SCUBE1: variants seen among roughly 807,000 people sequenced by gnomAD.
SCUBE1 encodes signal peptide, CUB domain and EGF like domain containing 1.
In SCUBE1, 59 loss-of-function variants were observed where a neutral mutation model predicts 124.4. The observed-to-expected ratio is 0.47, with a 90% confidence interval of 0.38 to 0.59. SCUBE1 has a LOEUF of 0.59. Ranked by LOEUF, SCUBE1 falls within the 20% of genes least tolerant of loss-of-function variation. The pLI is 0.00. For missense variants in SCUBE1, 1,150 were observed against 1,371.2 expected, an observed-to-expected ratio of 0.84 and a Z score of 2.55; for synonymous variants, 545 against 550.9, an observed-to-expected ratio of 0.99 and a Z score of 0.15.
chr22:43,321,341 C>T (rs1431513432), intron 2 of SCUBE1, among the ~76,000 whole-genome samples: 1 of 152,176 alleles, frequency 6.6e-6, no homozygotes, highest in Non-Finnish European at 1.5e-5. Context: ...CTTGCTTTCT[C>T]CATGCTGGTC....
chr22:43,200,151 T>C lies in SCUBE1; in HGVS notation c.*3846A>G, dbSNP rs924941097. On this transcript the variant is annotated 3_prime_UTR_variant, in exon 22 of 22. Coordinates refer to ENST00000360835, the MANE Select transcript of SCUBE1 (RefSeq NM_173050.5). ...GGTTCCCTGGGGTGCCATGCTCCAT[T>C]AGGAGCTGACCCAAGCTCAGAGGAG... 3 of 152,186 alleles carry C rather than the reference T, an allele frequency of 2.0e-5. No individual in the cohort carries two copies. Among genetic ancestry groups the C allele is most frequent in the Admixed American group, 6.5e-5 (1 of 15,280 alleles). 9.4% of individuals were successfully genotyped at this position (152,186 alleles called of 1,614,324 possible). A position where few individuals can be genotyped will look rare whatever the true frequency, so the allele number is the denominator to read the frequency against.
intron 20 of SCUBE1, 99 bp from the exon 21 acceptor site, chr22:43,207,712 C>A: frequency 1.1e-6 from 1 of 938,010 alleles, no homozygotes. Context: ...TGTGCTCCAG[C>A]CACGGGCTCT....
intron 7 of SCUBE1, among the ~76,000 whole-genome samples, chr22:43,235,410 GCAC>G (rs1370231177): frequency 1.3e-5 from 2 of 152,148 alleles, no homozygotes; most frequent in Admixed American, 1.3e-4. Context: ...TCATGGGCTG[GCAC>G]CATCCTGGAG....
chr22:43,227,642 G>T, intron 9 of SCUBE1, 146 bp from the exon 10 acceptor site: 1 of 991,348 alleles, frequency 1.0e-6, no homozygotes, highest in East Asian at 2.6e-5. Flanking sequence ...CAGTGCACAC[G>T]CCACACGCAC....
chr22:43,262,984 C>A, intron 4 of SCUBE1, 139 bp from the exon 5 acceptor site: 1 of 853,888 alleles, frequency 1.2e-6, no homozygotes, highest in South Asian at 1.6e-5. Context: ...CACACACGCA[C>A]TTGCGCACAC....
chr22:43,265,860 G>C (rs1246830367), intron 4 of SCUBE1, among the ~76,000 whole-genome samples: 13 of 152,250 alleles, frequency 8.5e-5, no homozygotes, highest in Non-Finnish European at 1.9e-4. Context: ...AGCACTTTGG[G>C]AGAGCGAGGC....
intron 4 of SCUBE1, among the ~76,000 whole-genome samples, chr22:43,273,442 C>G (rs966211097): frequency 6.6e-6 from 1 of 152,034 alleles, no homozygotes; most frequent in Non-Finnish European, 1.5e-5. Context: ...TGGGCAACAC[C>G]GAGGTGGGGC....
At chr22:43,330,241 A>G (rs1014178921) in intron 2 of SCUBE1, among the ~76,000 whole-genome samples, 25 of 152,160 alleles carry the variant, frequency 1.6e-4, no homozygotes, top group African/African-American at 5.3e-4. Context: ...CCGCTGGCTC[A>G]CGGAGTTAGG....
At chr22:43,213,343 C>G (rs1294998442) in intron 16 of SCUBE1, 1 of 152,290 alleles carries the variant, frequency 6.6e-6, no homozygotes, top group African/African-American at 2.4e-5. Context: ...TGGACGGACT[C>G]AGGGCTGGGC....
At chr22:43,287,624 C>A (rs927881039) in intron 4 of SCUBE1, among the ~76,000 whole-genome samples, 57 of 152,232 alleles carry the variant, frequency 3.7e-4, no homozygotes, top group African/African-American at 1.3e-3. Flanking sequence ...CTAATCAAAA[C>A]CAGCCTGTGT....
At chr22:43,265,992 T>G (rs1924048481) in intron 4 of SCUBE1, among the ~76,000 whole-genome samples, 1 of 151,824 alleles carries the variant, frequency 6.6e-6, no homozygotes, top group Non-Finnish European at 1.5e-5. Flanking sequence ...TCCCAGTTAC[T>G]TGGGAGGCTG....
At position 43,214,174 on chromosome 22, in the gene SCUBE1, T is replaced by C. The variant is rs1273898263; in HGVS notation, c.1969A>G (p.Met657Val). Residue 657 changes from methionine (M) to valine (V), a missense_variant, in exon 16 of 22, where the codon ATG (methionine) becomes GTG (valine). Met to Val is a conservative substitution (Grantham distance 21, BLOSUM62 1). This residue lies in a region of SCUBE1 where 757 missense variants were observed against 840.9 expected (regional missense o/e 0.90). Transcript: ENST00000360835. ...GGTGTGCAACTGAGCTGGCCTTCCA[T>C]GTCCTGGTATGTTCCTGGCATACAT... Reference protein sequence around the residue: ...VSCMPGTYQDMEGQLSCTPCP... With the variant: ...VSCMPGTYQDVEGQLSCTPCP... The C allele has an allele frequency of 1.9e-6, 3 of 1,612,622 alleles. No individual in the cohort carries two copies. Among genetic ancestry groups the C allele is most frequent in the Admixed American group, 1.7e-5 (1 of 59,976 alleles).
chr22:43,320,185 G>A, intron 2 of SCUBE1, 120 bp from the exon 3 acceptor site: 1 of 1,250,732 alleles, frequency 8.0e-7, no homozygotes, highest in Non-Finnish European at 1.1e-6. Flanking sequence ...ATTCACTTCA[G>A]TCCTCCCTGG....
chr22:43,264,439 G>T (rs1923986263), intron 4 of SCUBE1, among the ~76,000 whole-genome samples: 1 of 152,184 alleles, frequency 6.6e-6, no homozygotes, highest in African/African-American at 2.4e-5. Flanking sequence ...TGGAGACAGC[G>T]TGGCTCCTCC....
intron 6 of SCUBE1, among the ~76,000 whole-genome samples, chr22:43,249,339 G>A (rs1923346524): frequency 6.6e-6 from 1 of 151,944 alleles, no homozygotes; most frequent in South Asian, 2.1e-4. Flanking sequence ...CGGGAGCTGG[G>A]GTGGAGGGGA....
At chr22:43,277,794 T>C (rs5759250) in intron 4 of SCUBE1, among the ~76,000 whole-genome samples, 51,291 of 152,172 alleles carry the variant, frequency 0.34, 8,829 homozygotes, top group Middle Eastern at 0.44. Flanking sequence ...TGAGGCGATG[T>C]CTTGTATATA....
At chr22:43,328,491 A>G (rs942334035) in intron 2 of SCUBE1, among the ~76,000 whole-genome samples, 1 of 152,214 alleles carries the variant, frequency 6.6e-6, no homozygotes, top group African/African-American at 2.4e-5. Flanking sequence ...TCAGGAGGAC[A>G]ATCACAAACA....
Position 43,262,729 on chromosome 22 carries a change from C to T in SCUBE1, c.601G>A (p.Asp201Asn), listed in dbSNP as rs772752188. The T allele has an allele frequency of 9.9e-6, 16 of 1,614,084 alleles. No homozygotes were observed. The South Asian group carries it at 1.6e-4, about 17-fold the overall frequency. Residue 201 changes from aspartate (D) to asparagine (N), a missense_variant, in exon 5 of 22, where the codon GAC (aspartate) becomes AAC (asparagine). Around this residue, in one of 3 missense-constraint regions of SCUBE1, gnomAD observed 337 missense variants for 482.1 expected, o/e 0.70. Transcript: ENST00000360835. ...PGFDLAQNQK[D>N]CTLTCNYGNG... is the part of the protein sequence containing the mutation. ...GTCTCCCTCTACCTACGTGTGCAGT[C>T]CTTCTGGTTTTGGGCAAGGTCAAAG...
Position 43,343,249 on chromosome 22 carries a change from C to A in SCUBE1, c.13G>T (p.Ala5Ser). The stretch of plus-strand genomic sequence containing the variant: ...AGCACGCACAAGTGCCAGCGCACGG[C>A]CGCCGCGCCCATGCTCAATGCGGGC... MGAAAVRWHLCVLLA... is the reference protein window; with the variant it reads MGAASVRWHLCVLLA... The change falls in exon 1 of 22, where the codon GCC becomes TCC. Residue 5 changes from alanine (A) to serine (S), a missense_variant. By Grantham distance (99) the Ala-to-Ser change is moderately conservative. Coordinates refer to ENST00000360835, the MANE Select transcript of SCUBE1 (RefSeq NM_173050.5). 1 of 1,182,560 alleles carries A rather than the reference C, an allele frequency of 8.5e-7. No homozygotes were observed. The highest frequency in any genetic ancestry group is 1.0e-6 in the Non-Finnish European group (1 of 952,798). The allele number at this position is 1,182,560 out of a possible 1,614,324, so 73.3% of individuals were successfully genotyped here.
Sources: allele counts gnomAD v4.1 joint callset (sites outside exome capture counted in the v4.1 genomes callset), GRCh38; gene constraint gnomAD v4.1.1; regional missense constraint gnomAD v4.1.1; transcripts MANE v1.5; gene names NCBI Gene and HGNC (gene_info 2026-07-23, HGNC 2026-07-21).